Variants in ELP3 observed in about 807,000 individuals in gnomAD.
ELP3 encodes elongator complex protein 3.
A neutral mutation model predicts 74.9 loss-of-function variants in ELP3; 56 were observed. The ratio of observed to expected loss-of-function variants is 0.75; its 90% CI spans 0.60 to 0.93. The LOEUF is 0.93. Ranked by LOEUF, ELP3 falls within the 40% of genes least tolerant of loss-of-function variation. ELP3 has a pLI of 0.00. For synonymous variants in ELP3, 222 were observed against 239.8 expected (o/e 0.93, Z 0.68); for missense variants, 573 against 686.5 (o/e 0.83, Z 1.85).
intron 14 of ELP3, among the ~76,000 whole-genome samples, chr8:28,181,226 C>T (rs1169907291): frequency 6.6e-6 from 1 of 152,158 alleles, no homozygotes; most frequent in Non-Finnish European, 1.5e-5. Flanking sequence ...ATAATCAAGC[C>T]TGAAGTCATC....
At chr8:28,123,022 G>A (rs1039895574) in intron 7 of ELP3, among the ~76,000 whole-genome samples, 1 of 152,208 alleles carries the variant, frequency 6.6e-6, no homozygotes, top group African/African-American at 2.4e-5. Flanking sequence ...TACTGGGGAA[G>A]CTGAGGCAGG....
intron 10 of ELP3, 101 bp from the exon 11 acceptor site, chr8:28,155,841 T>C: frequency 9.9e-7 from 1 of 1,010,432 alleles, no homozygotes; most frequent in South Asian, 1.6e-5. Flanking sequence ...GTTTTTTGCT[T>C]TTTTATTTTT....
At chr8:28,106,608 C>A in intron 3 of ELP3, 105 bp from the exon 4 acceptor site, 1 of 754,950 alleles carries the variant, frequency 1.3e-6, no homozygotes, top group South Asian at 1.7e-5. Context: ...CCCTTTTTGC[C>A]ACTCTCTGGT....
In ELP3 at chr8:28,137,843, G is replaced by A. The variant is rs201078315; in HGVS notation, c.1052G>A (p.Arg351Gln). The stretch of plus-strand genomic sequence containing the variant: ...AGTGACCTGGTTGAATTGGTGGCTC[G>A]GATCCTAGCCCTCGTGCCTCCATGG... ...SPSDLVELVARILALVPPWTR... is the reference protein window; with the variant it reads ...SPSDLVELVAQILALVPPWTR... Residue 351 changes from arginine to glutamine, a missense_variant, in exon 10 of 15, where the codon CGG becomes CAG. Physicochemically the swap from Arg to Gln is conservative, Grantham distance 43. Coordinates refer to ENST00000256398, the MANE Select transcript of ELP3 (RefSeq NM_018091.6). 249 of 1,613,780 alleles carry A rather than the reference G, an allele frequency of 1.5e-4. No individual in the cohort carries two copies. Among genetic ancestry groups the A allele is most frequent in the Admixed American group, 1.3e-3 (75 of 59,936 alleles).
chr8:28,123,022 G>C (rs1039895574), intron 7 of ELP3, among the ~76,000 whole-genome samples: 1 of 152,208 alleles, frequency 6.6e-6, no homozygotes, highest in Admixed American at 6.5e-5. Flanking sequence ...TACTGGGGAA[G>C]CTGAGGCAGG....
chr8:28,147,045 G>C lies in ELP3; in HGVS notation c.1101-8897G>C, dbSNP rs1398763694. Among the ~76,000 whole-genome samples the C allele has an allele frequency of 2.6e-5, 4 of 152,118 alleles. No homozygotes were observed. The highest frequency in any genetic ancestry group is 5.9e-5 in the Non-Finnish European group (4 of 68,032). Reference sequence around the variant, plus strand: ...CTTAATATTCTGCTGTCACCGTCTTGAAATTATTAATAATTTTTTTCACAA... The same window carrying C: ...CTTAATATTCTGCTGTCACCGTCTTCAAATTATTAATAATTTTTTTCACAA... On this transcript the variant is annotated intron_variant, in intron 10 of 14. Coordinates refer to ENST00000256398, the MANE Select transcript of ELP3 (RefSeq NM_018091.6). This position sits in a 1 kb window ranked among gnomAD's most constrained non-coding sequence, Gnocchi z 4.5.
At chr8:28,114,495 A>G (rs55991236) in intron 7 of ELP3, among the ~76,000 whole-genome samples, 4,205 of 152,264 alleles carry the variant, frequency 0.028, 213 homozygotes, top group African/African-American at 0.097. Context: ...AGTACATCAC[A>G]TGACGGGTGC....
chr8:28,177,363 G>A (rs1054352638), intron 14 of ELP3, among the ~76,000 whole-genome samples: 9 of 152,106 alleles, frequency 5.9e-5, no homozygotes, highest in African/African-American at 1.7e-4. Context: ...GTAAAATATC[G>A]CCATCCTGGC....
intron 14 of ELP3, among the ~76,000 whole-genome samples, chr8:28,175,873 G>A (rs1814730748): frequency 1.5e-5 from 2 of 133,838 alleles, no homozygotes; most frequent in Admixed American, 1.7e-4. Flanking sequence ...GGAGTACAGT[G>A]GCATGATCTC....
chr8:28,157,773 A>T (rs1384859512), intron 11 of ELP3, among the ~76,000 whole-genome samples: 1 of 152,172 alleles, frequency 6.6e-6, no homozygotes, highest in Non-Finnish European at 1.5e-5. Flanking sequence ...GGATTGTGTA[A>T]TTGTAAATGT....
At chr8:28,174,222 A>G (rs1347160414) in intron 14 of ELP3, among the ~76,000 whole-genome samples, 2 of 151,970 alleles carry the variant, frequency 1.3e-5, no homozygotes, top group African/African-American at 4.8e-5. Context: ...ATGTAGAACT[A>G]TTTATTTCTC....
intron 3 of ELP3, among the ~76,000 whole-genome samples, chr8:28,101,754 T>C (rs1811498397): frequency 6.6e-6 from 1 of 152,244 alleles, no homozygotes; most frequent in African/African-American, 2.4e-5. Flanking sequence ...AATGCCCAGC[T>C]AATTTTTGTA....
chr8:28,189,216 C>T (rs1351836315), intron 14 of ELP3, among the ~76,000 whole-genome samples: 2 of 152,228 alleles, frequency 1.3e-5, no homozygotes, highest in Admixed American at 1.3e-4. Flanking sequence ...ACTCTTCTCT[C>T]TTTAAAACTT....
At chr8:28,141,822 A>C (rs939517848) in intron 10 of ELP3, among the ~76,000 whole-genome samples, 27 of 152,198 alleles carry the variant, frequency 1.8e-4, no homozygotes, top group Non-Finnish European at 1.5e-5. Context: ...TAACTGACTC[A>C]AGCAACCAGA....
chr8:28,177,943 G>A (rs183153354), intron 14 of ELP3, among the ~76,000 whole-genome samples: 319 of 152,234 alleles, frequency 2.1e-3, no homozygotes, highest in African/African-American at 7.4e-3. Flanking sequence ...TTATCCAGTT[G>A]GAATCACAAC....
chr8:28,177,267 AG>A (rs1237930040), intron 14 of ELP3, among the ~76,000 whole-genome samples: 2 of 152,184 alleles, frequency 1.3e-5, no homozygotes, highest in Non-Finnish European at 2.9e-5. Context: ...TGAAAGGTTT[AG>A]GGTCGTGTAG....
intron 9 of ELP3, among the ~76,000 whole-genome samples, chr8:28,132,917 A>C (rs888053145): frequency 6.6e-6 from 1 of 152,056 alleles, no homozygotes; most frequent in African/African-American, 2.4e-5. Flanking sequence ...TTTTTTTAGT[A>C]TTTAGGTTTA....
At chr8:28,153,957 C>T (rs1010728348) in intron 10 of ELP3, among the ~76,000 whole-genome samples, 4 of 152,130 alleles carry the variant, frequency 2.6e-5, no homozygotes, top group South Asian at 4.1e-4. Flanking sequence ...CATGGTATTC[C>T]GCACCTCTTC....
At chr8:28,127,652 C>A (rs1812631981) in intron 7 of ELP3, among the ~76,000 whole-genome samples, 1 of 152,086 alleles carries the variant, frequency 6.6e-6, no homozygotes, top group Non-Finnish European at 1.5e-5. Context: ...TAGTACCCAC[C>A]TGTTTAAGAG....
Sources: gnomAD v4.1 joint callset for allele counts (sites outside exome capture counted in the v4.1 genomes callset) on GRCh38, gnomAD v4.1.1 for gene constraint, Gnocchi (gnomAD v3.1) non-coding constraint, MANE v1.5 for transcripts, NCBI Gene and HGNC (gene_info 2026-07-23, HGNC 2026-07-21) for gene names.